Variants in TIAM1 observed in about 807,000 individuals in gnomAD.
TIAM1 encodes TIAM Rac1 associated GEF 1, also known as rho guanine nucleotide exchange factor TIAM1.
TIAM1 carries 65 observed loss-of-function variants against 163.5 expected under a neutral mutation model. That is an observed-to-expected ratio of 0.40 (90% CI 0.33 to 0.49). TIAM1 has a LOEUF of 0.49. Among genes scored for constraint, TIAM1 ranks in the 20% least tolerant of loss-of-function variants. The pLI is 0.77. For synonymous variants in TIAM1, 833 were observed against 810.1 expected, an observed-to-expected ratio of 1.03 and a Z score of -0.48; for missense variants, 1,789 against 2,044.7, an observed-to-expected ratio of 0.87 and a Z score of 2.41.
chr21:31,425,027 C>T (rs1602246753), intron 2 of TIAM1, among the ~76,000 whole-genome samples: 2 of 149,378 alleles, frequency 1.3e-5, no homozygotes. Flanking sequence ...CACTCCAGTC[C>T]AGGCAACAGA....
chr21:31,219,526 G>A (rs2087425539), intron 8 of TIAM1, among the ~76,000 whole-genome samples: 1 of 152,164 alleles, frequency 6.6e-6, no homozygotes, highest in Non-Finnish European at 1.5e-5. Context: ...TGGTTGGAAG[G>A]CACGCCCCTC....
chr21:31,507,245 G>A (rs13050911), intron 1 of TIAM1, among the ~76,000 whole-genome samples: 13,367 of 118,652 alleles, frequency 0.11, 1,463 homozygotes, highest in East Asian at 0.63. Context: ...TTTCTCTGTC[G>A]CCCAGGATGG....
intron 2 of TIAM1, among the ~76,000 whole-genome samples, chr21:31,447,976 G>A (rs1306642454): frequency 4.6e-5 from 7 of 152,188 alleles, no homozygotes; most frequent in African/African-American, 1.7e-4. Context: ...TCCAAAGAAA[G>A]TCAGGCAGGA....
At chr21:31,514,102 G>A (rs778351394) in intron 1 of TIAM1, among the ~76,000 whole-genome samples, 8 of 152,164 alleles carry the variant, frequency 5.3e-5, no homozygotes, top group East Asian at 1.9e-4. Context: ...TTTCAAAAGC[G>A]GCTCTGACCC....
chr21:31,222,676 CATATATATATAT>C (rs146567405), intron 8 of TIAM1, among the ~76,000 whole-genome samples: 142 of 48,240 alleles, frequency 2.9e-3, no homozygotes, highest in Admixed American at 4.8e-3. Flanking sequence ...TGTACACATA[CATATATATATAT>C]ATATATATAT....
At chr21:31,546,576 GAAA>G (rs2048500740) in intron 1 of TIAM1, among the ~76,000 whole-genome samples, 1 of 151,494 alleles carries the variant, frequency 6.6e-6, no homozygotes, top group African/African-American at 2.4e-5. Context: ...AAGAAAGAAA[GAAA>G]GAAAGAAACC....
chr21:31,427,468 CAG>C (rs1169804116), intron 2 of TIAM1, among the ~76,000 whole-genome samples: 2 of 151,522 alleles, frequency 1.3e-5, no homozygotes, highest in African/African-American at 2.4e-5. Context: ...GCCTGGGGGA[CAG>C]AGCGAGACTC....
intron 26 of TIAM1, among the ~76,000 whole-genome samples, chr21:31,126,790 G>T (rs1173254186): frequency 6.6e-6 from 1 of 152,056 alleles, no homozygotes; most frequent in East Asian, 1.9e-4. Flanking sequence ...AAAACAACAA[G>T]AAATAAGTAG....
At chr21:31,554,505 T>A (rs563234381) in intron 1 of TIAM1, among the ~76,000 whole-genome samples, 2 of 152,256 alleles carry the variant, frequency 1.3e-5, no homozygotes, top group South Asian at 4.1e-4. Context: ...CCACTCCAAC[T>A]ACACCCAAGT....
intron 4 of TIAM1, among the ~76,000 whole-genome samples, chr21:31,260,243 C>CT (rs36068901): frequency 3.1e-3 from 432 of 138,166 alleles, no homozygotes; most frequent in African/African-American, 7.5e-3. Context: ...CACATATATA[C>CT]TTTTTTTTTT....
At chr21:31,524,291 A>G (rs944377477) in intron 1 of TIAM1, among the ~76,000 whole-genome samples, 1 of 152,166 alleles carries the variant, frequency 6.6e-6, no homozygotes, top group Non-Finnish European at 1.5e-5. Context: ...TAGGAGTCTC[A>G]CATGGCAGAG....
chr21:31,506,261 T>TACACACACACACACACAC lies in TIAM1; in HGVS notation c.-421-42244_-421-42227dup, dbSNP rs112908703. 8.5e-4 allele frequency among the ~76,000 whole-genome samples: 127 copies of TACACACACACACACACAC among 148,612 alleles called. No homozygotes were observed. The East Asian group carries it at 0.011, about 13-fold the overall frequency. On this transcript the variant is annotated intron_variant, in intron 1 of 28. Transcript: ENST00000286827. ...CTAAACTCACGCACTCTCACACACG[T>TACACACACACACACACAC]ACACACACACACACACACACATATG... is the stretch of plus-strand genomic sequence containing the variant.
chr21:31,343,881 T>C (rs1341607366), intron 1 of TIAM1, among the ~76,000 whole-genome samples: 1 of 152,166 alleles, frequency 6.6e-6, no homozygotes, highest in Non-Finnish European at 1.5e-5. Context: ...CTCTTTACCC[T>C]GGAGCCAGAA....
At chr21:31,284,194 G>A (rs2073694643) in intron 2 of TIAM1, among the ~76,000 whole-genome samples, 1 of 152,198 alleles carries the variant, frequency 6.6e-6, no homozygotes, top group African/African-American at 2.4e-5. Flanking sequence ...TTCATTCTCA[G>A]TGTTTTCATA....
chr21:31,124,838 G>T, intron 26 of TIAM1, 144 bp from the exon 27 acceptor site: 1 of 631,946 alleles, frequency 1.6e-6, no homozygotes, highest in Non-Finnish European at 2.6e-6. Flanking sequence ...TATGCTGAGC[G>T]GTGATTTCAC....
chr21:31,166,551 C>T (rs2084224659), intron 15 of TIAM1, among the ~76,000 whole-genome samples: 1 of 152,194 alleles, frequency 6.6e-6, no homozygotes. Context: ...AATGAAGCAC[C>T]AACTAAGTGA....
At chr21:31,129,202 C>A (rs949023009) in intron 25 of TIAM1, among the ~76,000 whole-genome samples, 2 of 152,204 alleles carry the variant, frequency 1.3e-5, no homozygotes, top group Non-Finnish European at 2.9e-5. Context: ...GTCCATTCCT[C>A]CTCTTGAGAA....
At chr21:31,213,524 C>T (rs778851792) in intron 9 of TIAM1, 52 bp from the exon 10 acceptor site, 16 of 1,524,916 alleles carry the variant, frequency 1.0e-5, no homozygotes, top group African/African-American at 2.7e-5. Flanking sequence ...ACAGGGCAAA[C>T]GAAACGTAGG....
At chr21:31,214,119 G>A (rs1285689343) in intron 9 of TIAM1, among the ~76,000 whole-genome samples, 1 of 152,088 alleles carries the variant, frequency 6.6e-6, no homozygotes, top group Admixed American at 6.6e-5. Flanking sequence ...CAGCCCAGGA[G>A]TTTGAGACCA....
Sources: allele counts gnomAD v4.1 joint callset (sites outside exome capture counted in the v4.1 genomes callset), GRCh38; gene constraint gnomAD v4.1.1; transcripts MANE v1.5; gene names NCBI Gene and HGNC (gene_info 2026-07-23, HGNC 2026-07-21).